Variants in GPHN observed in about 807,000 individuals in gnomAD.
GPHN encodes gephyrin.
GPHN carries 17 observed loss-of-function variants against 95.5 expected under a neutral mutation model. That is an observed-to-expected ratio of 0.18 (90% confidence interval 0.12 to 0.27). The LOEUF (loss-of-function observed/expected upper bound fraction) is 0.27, where lower values mean the gene tolerates loss of function less well. Ranked by LOEUF, GPHN falls within the 10% of genes least tolerant of loss-of-function variation. The pLI is 1.00. For missense variants in GPHN, 660 were observed against 978.1 expected, an observed-to-expected ratio of 0.67 and a Z score of 4.34; for synonymous variants, 320 against 322.5, an observed-to-expected ratio of 0.99 and a Z score of 0.08.
chr14:67,675,555 G>A, the GPHN span, among the ~76,000 whole-genome samples: 2 of 146,162 alleles, frequency 1.4e-5, no homozygotes, highest in Admixed American at 6.7e-5. Flanking sequence ...TGCTAGGCCC[G>A]AGTAATTCTC....
the GPHN span, chr14:67,587,151 C>A: frequency 6.2e-7 from 1 of 1,613,960 alleles, no homozygotes. Context: ...CCAACCCACC[C>A]GGAGCCTGCC....
At chr14:66,792,208 C>T (rs575034499) in intron 3 of GPHN, among the ~76,000 whole-genome samples, 160 of 152,248 alleles carry the variant, frequency 1.1e-3, no homozygotes, top group Middle Eastern at 3.4e-3. Flanking sequence ...CAGCCCTGTA[C>T]GTCTCAGCCT....
chr14:67,003,282 A>T (rs1379560752), intron 9 of GPHN, among the ~76,000 whole-genome samples: 7 of 151,700 alleles, frequency 4.6e-5, no homozygotes, highest in African/African-American at 1.7e-4. Context: ...TTCCTCACAA[A>T]AAGTAACTTT....
Position 66,922,860 on chromosome 14 carries a change from AGAG to A in GPHN, c.652_654del (p.Glu218del), listed in dbSNP as rs759966883. ...GAGTTCAATGTGAGGAAGAGGAAGA[AGAG>A]AAGAAAGACAGTGGTGTTGCTTCAA... On this transcript the variant is annotated inframe_deletion, in exon 7 of 23. Coordinates refer to ENST00000478722, the MANE Select transcript of GPHN (RefSeq NM_020806.5). The A allele has an allele frequency of 3.7e-6, 6 of 1,613,478 alleles. No individual in the cohort carries two copies. In the Admixed American group the frequency reaches 8.3e-5, roughly 22 times the overall value.
the GPHN span, among the ~76,000 whole-genome samples, chr14:67,379,647 TC>T: frequency 1.4e-5 from 2 of 140,528 alleles, no homozygotes; most frequent in East Asian, 2.4e-4. Context: ...TTTCTTTTTT[TC>T]TTTTTCTTTT....
At chr14:67,003,998 A>G (rs761331365) in intron 9 of GPHN, among the ~76,000 whole-genome samples, 8 of 151,712 alleles carry the variant, frequency 5.3e-5, no homozygotes, top group South Asian at 2.1e-4. Flanking sequence ...GCCCCAGTTT[A>G]CCCGTCTCTA....
chr14:66,889,036 C>T (rs549085470), intron 5 of GPHN, among the ~76,000 whole-genome samples: 2 of 152,146 alleles, frequency 1.3e-5, no homozygotes, highest in African/African-American at 4.8e-5. Context: ...TTTAATTCTG[C>T]ACAGTAATAT....
intron 1 of GPHN, among the ~76,000 whole-genome samples, chr14:66,659,664 A>G (rs1201774982): frequency 6.6e-6 from 1 of 151,906 alleles, no homozygotes. Flanking sequence ...TTTTATCATT[A>G]TGTATTGTGC....
chr14:67,121,186 A>G (rs2078994170), intron 16 of GPHN, among the ~76,000 whole-genome samples: 1 of 152,160 alleles, frequency 6.6e-6, no homozygotes, highest in South Asian at 2.1e-4. Context: ...AATTTCTGAA[A>G]TCAAAGCATA....
At chr14:67,531,431 C>A in the GPHN span, among the ~76,000 whole-genome samples, 1 of 152,134 alleles carries the variant, frequency 6.6e-6, no homozygotes, top group Non-Finnish European at 1.5e-5. Context: ...GCCAAGGGGT[C>A]CTGCTCAGAG....
chr14:66,969,034 G>T (rs2069552044), intron 9 of GPHN: 1 of 150,750 alleles, frequency 6.6e-6, no homozygotes. Context: ...TGTTTTTTTT[G>T]GTACCCTCAT....
the GPHN span, among the ~76,000 whole-genome samples, chr14:67,324,629 G>T: frequency 6.6e-6 from 1 of 152,004 alleles, no homozygotes; most frequent in Admixed American, 6.6e-5. Context: ...CTATTGCCCA[G>T]GCTGGAGTGT....
intron 9 of GPHN, among the ~76,000 whole-genome samples, chr14:66,984,781 A>T (rs2070906689): frequency 6.6e-6 from 1 of 151,946 alleles, no homozygotes; most frequent in Admixed American, 6.6e-5. Context: ...TTGAGACCTC[A>T]TTCTGGAATC....
intron 1 of GPHN, among the ~76,000 whole-genome samples, chr14:66,650,001 A>C (rs1400799591): frequency 6.6e-6 from 1 of 152,096 alleles, no homozygotes; most frequent in East Asian, 1.9e-4. Context: ...CCCTACCCAA[A>C]ATAAGTAAAA....
chr14:67,359,223 C>T, the GPHN span, among the ~76,000 whole-genome samples: 1 of 152,172 alleles, frequency 6.6e-6, no homozygotes, highest in Non-Finnish European at 1.5e-5. Context: ...CTTCTATATC[C>T]TCAGTAAACT....
At chr14:67,475,771 G>A in the GPHN span, among the ~76,000 whole-genome samples, 10 of 152,108 alleles carry the variant, frequency 6.6e-5, no homozygotes, top group Admixed American at 6.5e-4. Context: ...TCAACGCCCG[G>A]CTCCCATGCT....
At chr14:67,247,420 A>AT in the GPHN span, among the ~76,000 whole-genome samples, 2 of 151,580 alleles carry the variant, frequency 1.3e-5, no homozygotes, top group South Asian at 2.1e-4. Flanking sequence ...TATTTTAGTA[A>AT]TTTTTTTTGG....
chr14:67,177,081 G>A (rs925190129), intron 21 of GPHN, among the ~76,000 whole-genome samples: 2 of 152,040 alleles, frequency 1.3e-5, no homozygotes, highest in Non-Finnish European at 2.9e-5. Flanking sequence ...ATCTCCATCA[G>A]TTCTGCTCTG....
intron 1 of GPHN, among the ~76,000 whole-genome samples, chr14:66,660,505 AG>A (rs1469639476): frequency 1.3e-5 from 2 of 152,002 alleles, no homozygotes; most frequent in Non-Finnish European, 2.9e-5. Flanking sequence ...GCTGGTAAAA[AG>A]TTTTCTTAGT....
Sources: gnomAD v4.1 joint callset for allele counts (sites outside exome capture counted in the v4.1 genomes callset) on GRCh38, gnomAD v4.1.1 for gene constraint, MANE v1.5 for transcripts, NCBI Gene and HGNC (gene_info 2026-07-23, HGNC 2026-07-21) for gene names.